Variants in PTPRD observed in about 807,000 individuals in gnomAD.
PTPRD encodes receptor-type tyrosine-protein phosphatase delta.
In PTPRD, 34 loss-of-function variants were observed where a neutral mutation model predicts 214.5. That is an observed-to-expected ratio of 0.16 (90% CI 0.12 to 0.21). PTPRD has a LOEUF of 0.21. PTPRD is among the 10% of genes least tolerant of loss of function. PTPRD has a pLI of 1.00. For missense variants in PTPRD, 2,545 were observed against 2,398.7 expected (o/e 1.06, Z -1.27); for synonymous variants, 1,128 against 845.7 (o/e 1.33, Z -5.79).
At chr9:8,405,288 C>A (rs1054894442) in intron 35 of PTPRD, among the ~76,000 whole-genome samples, 1 of 151,986 alleles carries the variant, frequency 6.6e-6, no homozygotes, top group Non-Finnish European at 1.5e-5. Flanking sequence ...TAAGATACAA[C>A]CCAATGCATA....
chr9:10,422,975 A>G (rs1038765774), intron 2 of PTPRD, among the ~76,000 whole-genome samples: 2 of 152,134 alleles, frequency 1.3e-5, no homozygotes, highest in African/African-American at 4.8e-5. Flanking sequence ...AAAGGATTAT[A>G]AATCATGCCA....
Position 8,319,881 on chromosome 9 carries a change from G to C in PTPRD, c.5620C>G (p.Gln1874Glu). 2 of 1,613,048 alleles carry C rather than the reference G, an allele frequency of 1.2e-6. No individual in the cohort carries two copies. The highest frequency in any genetic ancestry group is 8.5e-7 in the Non-Finnish European group (1 of 1,179,428). ...MRYEGVVDIFQTVKMLRTQRP... is the reference protein window; with the variant it reads ...MRYEGVVDIFETVKMLRTQRP... ...TGTGTTCTTAACATTTTGACAGTCT[G>C]GAAGATATCTACAACTCCTTCATAT... Residue 1874 changes from glutamine (Q) to glutamate (E), a missense_variant, in exon 45 of 46, where the codon CAG (glutamine) becomes GAG (glutamate). Coordinates refer to ENST00000381196, the MANE Select transcript of PTPRD (RefSeq NM_002839.4).
At chr9:8,367,477 A>C (rs1170784316) in intron 39 of PTPRD, among the ~76,000 whole-genome samples, 1 of 152,182 alleles carries the variant, frequency 6.6e-6, no homozygotes, top group African/African-American at 2.4e-5. Context: ...CGGCTCTCAT[A>C]GCCAAAATTC....
intron 5 of PTPRD, among the ~76,000 whole-genome samples, chr9:9,800,903 G>A (rs1292849271): frequency 2.6e-5 from 4 of 152,090 alleles, no homozygotes; most frequent in Non-Finnish European, 5.9e-5. Context: ...TGCAACAGAA[G>A]CATTTACATC....
intron 11 of PTPRD, among the ~76,000 whole-genome samples, chr9:8,828,324 G>A (rs2154528873): frequency 6.6e-6 from 1 of 152,324 alleles, no homozygotes; most frequent in Non-Finnish European, 1.5e-5. Context: ...GGTCATGAGG[G>A]TGGATCCCTT....
chr9:10,394,886 G>A (rs755921571), intron 2 of PTPRD, among the ~76,000 whole-genome samples: 1 of 151,270 alleles, frequency 6.6e-6, no homozygotes, highest in African/African-American at 2.4e-5. Flanking sequence ...ATGCTTTTAT[G>A]GTGCTGATGA....
chr9:10,112,570 G>A (rs2098700250), intron 3 of PTPRD, among the ~76,000 whole-genome samples: 1 of 152,170 alleles, frequency 6.6e-6, no homozygotes, highest in Admixed American at 6.5e-5. Context: ...CAGGATGAAT[G>A]CTAGATGTGT....
At chr9:8,721,401 G>A (rs187557487) in intron 12 of PTPRD, among the ~76,000 whole-genome samples, 100 of 146,864 alleles carry the variant, frequency 6.8e-4, no homozygotes, top group Non-Finnish European at 9.6e-4. Context: ...CTGCACTCCA[G>A]TCTGGACGAC....
At chr9:10,054,087 T>C (rs2097580295) in intron 3 of PTPRD, among the ~76,000 whole-genome samples, 1 of 152,184 alleles carries the variant, frequency 6.6e-6, no homozygotes, top group African/African-American at 2.4e-5. Flanking sequence ...AAATATTTTC[T>C]TTGTTTATTA....
intron 10 of PTPRD, among the ~76,000 whole-genome samples, chr9:9,161,716 G>A (rs1308146432): frequency 2.6e-5 from 4 of 151,848 alleles, no homozygotes; most frequent in Non-Finnish European, 1.5e-5. Flanking sequence ...GACATCTGTG[G>A]CAAAATTATA....
intron 11 of PTPRD, among the ~76,000 whole-genome samples, chr9:8,927,223 T>A (rs915784361): frequency 2.6e-5 from 4 of 152,150 alleles, no homozygotes; most frequent in Admixed American, 2.6e-4. Flanking sequence ...CTCATATTTA[T>A]TTATTTATTT....
At chr9:8,786,132 G>T (rs933438993) in intron 11 of PTPRD, among the ~76,000 whole-genome samples, 1 of 151,754 alleles carries the variant, frequency 6.6e-6, no homozygotes, top group African/African-American at 2.4e-5. Flanking sequence ...TATGAACAAG[G>T]TAGGGTGGGA....
At chr9:9,328,927 C>T (rs1455737096) in intron 9 of PTPRD, among the ~76,000 whole-genome samples, 5 of 151,854 alleles carry the variant, frequency 3.3e-5, no homozygotes, top group East Asian at 1.9e-4. Context: ...AGTGAGCCAC[C>T]GCGCCTAGCA....
intron 11 of PTPRD, among the ~76,000 whole-genome samples, chr9:8,870,687 A>AACACACACACACACACACAC (rs3046878): frequency 2.3e-4 from 30 of 131,462 alleles, no homozygotes; most frequent in South Asian, 1.1e-3. Flanking sequence ...ACAGACATGA[A>AACACACACACACACACACAC]ACACACACAC....
At chr9:9,548,782 T>C (rs1477664527) in intron 8 of PTPRD, among the ~76,000 whole-genome samples, 1 of 152,146 alleles carries the variant, frequency 6.6e-6, no homozygotes, top group East Asian at 1.9e-4. Context: ...GCATATTTTA[T>C]AATGATGAAA....
chr9:8,465,476 T>C lies in PTPRD; in HGVS notation c.3704A>G (p.His1235Arg). ...YVFFVLAVME[H>R]AESKMYATSP... ...TCATAATTAACTTACAGACTCTGCA[T>C]GTTCCATTACTGCTAACACAAAGAA... Residue 1235 changes from histidine (H) to arginine (R), a missense_variant, in exon 32 of 46, where the codon CAT becomes CGT. Transcript: ENST00000381196. 1 of 1,612,026 alleles carries C rather than the reference T, an allele frequency of 6.2e-7. No individual in the cohort carries two copies. Among genetic ancestry groups the C allele is most frequent in the Non-Finnish European group, 8.5e-7 (1 of 1,178,576 alleles).
At chr9:9,441,800 T>G (rs77732729) in intron 8 of PTPRD, among the ~76,000 whole-genome samples, 1,709 of 152,348 alleles carry the variant, frequency 0.011, 25 homozygotes, top group African/African-American at 0.032. Flanking sequence ...GCTATTTGAT[T>G]ACCACTCAAG....
intron 12 of PTPRD, among the ~76,000 whole-genome samples, chr9:8,651,811 T>C (rs566839771): frequency 2.0e-5 from 3 of 152,314 alleles, no homozygotes; most frequent in Admixed American, 6.5e-5. Flanking sequence ...AACATGAATA[T>C]GCATTTCACC....
intron 10 of PTPRD, among the ~76,000 whole-genome samples, chr9:9,119,131 G>A (rs2099815143): frequency 6.6e-6 from 1 of 152,170 alleles, no homozygotes; most frequent in Non-Finnish European, 1.5e-5. Flanking sequence ...ATGTCCTGCT[G>A]GGTTCTCTGC....
Sources: allele counts gnomAD v4.1 joint callset (sites outside exome capture counted in the v4.1 genomes callset), GRCh38; gene constraint gnomAD v4.1.1; transcripts MANE v1.5; gene names NCBI Gene and HGNC (gene_info 2026-07-23, HGNC 2026-07-21).